FAM81B: variants seen among roughly 807,000 people sequenced by gnomAD.
FAM81B encodes protein FAM81B.
A neutral mutation model predicts 58.7 loss-of-function variants in FAM81B; 60 were observed. The ratio of observed to expected loss-of-function variants is 1.02; its 90% CI spans 0.83 to 1.27. FAM81B has a LOEUF of 1.27. Ranked by LOEUF, FAM81B falls within the 50% of genes most tolerant of loss-of-function variation. The pLI is 0.00. For synonymous variants in FAM81B, 189 were observed against 179.6 expected (o/e 1.05, Z -0.42); for missense variants, 491 against 522.0 (o/e 0.94, Z 0.58).
chr5:95,448,693 A>ATTT lies in FAM81B; in HGVS notation c.1225+248_1225+250dup, dbSNP rs56864403. Reference sequence around the variant, plus strand: ...TGTCACAGGCCTGCCATTGGTGTGAATTTTTTTTTTTTTTTTTTTTTACTA... The same window carrying ATTT: ...TGTCACAGGCCTGCCATTGGTGTGAATTTTTTTTTTTTTTTTTTTTTTTTACTA... On this transcript the variant is annotated intron_variant, in intron 9 of 9. Coordinates refer to ENST00000283357, the MANE Select transcript of FAM81B (RefSeq NM_152548.3). The ATTT allele has an allele frequency of 8.7e-4, 340 of 391,532 alleles. 1 individual carries two copies. The highest frequency in any genetic ancestry group is 1.4e-3 in the South Asian group (63 of 45,254). The allele number at this position is 391,532 out of a possible 1,614,324, so 24.3% of individuals were successfully genotyped here.
chr5:95,398,146 C>T (rs1471316206), intron 3 of FAM81B, among the ~76,000 whole-genome samples: 2 of 152,184 alleles, frequency 1.3e-5, no homozygotes, highest in Non-Finnish European at 2.9e-5. Context: ...TGGCCAGGCA[C>T]AGTGGCTCAC....
chr5:95,443,638 GA>G (rs10716713), intron 7 of FAM81B, among the ~76,000 whole-genome samples: 19,561 of 152,026 alleles, frequency 0.13, 1,879 homozygotes, highest in East Asian at 0.34. Context: ...CTTATGCAAA[GA>G]AAAAGAGTTA....
At chr5:95,399,583 G>A (rs1353548153) in intron 3 of FAM81B, among the ~76,000 whole-genome samples, 1 of 152,100 alleles carries the variant, frequency 6.6e-6, no homozygotes, top group Non-Finnish European at 1.5e-5. Flanking sequence ...AAGGGAAGGG[G>A]CTGCCCAAAT....
At chr5:95,430,680 C>A (rs1438106374) in intron 6 of FAM81B, among the ~76,000 whole-genome samples, 1 of 151,950 alleles carries the variant, frequency 6.6e-6, no homozygotes, top group East Asian at 1.9e-4. Flanking sequence ...AATAAATATC[C>A]AGAAGTGGGA....
chr5:95,435,649 A>G (rs1745070092), intron 6 of FAM81B, among the ~76,000 whole-genome samples: 2 of 152,156 alleles, frequency 1.3e-5, no homozygotes, highest in Admixed American at 1.3e-4. Flanking sequence ...TTTTTTGCTC[A>G]ATATATAAAT....
chr5:95,406,822 C>T (rs545040794), intron 3 of FAM81B, among the ~76,000 whole-genome samples: 11 of 152,072 alleles, frequency 7.2e-5, no homozygotes, highest in Non-Finnish European at 1.2e-4. Context: ...TTTTTTTAAC[C>T]TCTGAATAAC....
At chr5:95,396,327 A>T (rs574057162) in intron 3 of FAM81B, 152 bp downstream of exon 3, 2 of 587,866 alleles carry the variant, frequency 3.4e-6, no homozygotes, top group Admixed American at 7.0e-5. Context: ...TTCAGAAGAG[A>T]TTAAATCATG....
intron 6 of FAM81B, 127 bp downstream of exon 6, chr5:95,428,859 C>A: frequency 7.9e-7 from 1 of 1,268,794 alleles, no homozygotes; most frequent in East Asian, 2.4e-5. Context: ...GGGTGTAATT[C>A]TGACAGCTCA....
At chr5:95,428,137 A>C (rs966960310) in intron 5 of FAM81B, among the ~76,000 whole-genome samples, 2 of 152,192 alleles carry the variant, frequency 1.3e-5, no homozygotes, top group Non-Finnish European at 2.9e-5. Context: ...TTGCTGGGAC[A>C]CCTTTTCTTG....
chr5:95,444,690 A>C (rs115273319), intron 7 of FAM81B, among the ~76,000 whole-genome samples: 1 of 152,222 alleles, frequency 6.6e-6, no homozygotes, highest in Non-Finnish European at 1.5e-5. Flanking sequence ...CCTCATATCT[A>C]TGTGAAAAAT....
chr5:95,418,960 C>A (rs1762608857), intron 4 of FAM81B, among the ~76,000 whole-genome samples: 2 of 152,010 alleles, frequency 1.3e-5, no homozygotes, highest in African/African-American at 4.8e-5. Context: ...AGAGTATATT[C>A]CTTTCCTACA....
rs748448503 is a variant in FAM81B, at chr5:95,396,141, A to G, written c.259A>G (p.Lys87Glu). ...ATTATCTCCAGCCAAAATGTCAACC[A>G]AGAATTCTACAGATCTAGTTGAATA... is the stretch of plus-strand genomic sequence containing the variant. ...VRLSPAKMST[K>E]NSTDLVEYVD... Residue 87 changes from lysine to glutamate, a missense_variant, in exon 3 of 10, where the codon AAG becomes GAG. Lys to Glu is a moderately conservative substitution (Grantham distance 56). Coordinates refer to ENST00000283357, the MANE Select transcript of FAM81B (RefSeq NM_152548.3). The G allele has an allele frequency of 4.4e-6, 7 of 1,608,778 alleles. No homozygotes were observed. The highest frequency in any genetic ancestry group is 5.9e-6 in the Non-Finnish European group (7 of 1,178,278).
In FAM81B at chr5:95,420,377, G is replaced by A. The variant is rs751194190; in HGVS notation, c.631G>A (p.Gly211Arg). ...EINIKHLQGV[G>R]DLRGRVARCD... ...AAACATCAAACACCTACAAGGAGTT[G>A]GAGATCTTCGAGGAAGAGTAGCCAG... The change falls in exon 5 of 10, where the codon GGA becomes AGA. Residue 211 changes from glycine to arginine, a missense_variant. By Grantham distance (125) the Gly-to-Arg change is moderately radical. Coordinates refer to ENST00000283357, the MANE Select transcript of FAM81B (RefSeq NM_152548.3). The A allele has an allele frequency of 3.1e-6, 5 of 1,613,642 alleles. No homozygotes were observed. The African/African-American group carries it at 5.3e-5, about 17-fold the overall frequency.
chr5:95,413,584 T>G (rs2546098), intron 3 of FAM81B, among the ~76,000 whole-genome samples: 28,518 of 152,154 alleles, frequency 0.19, 3,276 homozygotes, highest in Admixed American at 0.24. Context: ...CTTGGAAAAC[T>G]CTCTAACACA....
At chr5:95,412,816 C>A (rs1177685699) in intron 3 of FAM81B, among the ~76,000 whole-genome samples, 1 of 152,146 alleles carries the variant, frequency 6.6e-6, no homozygotes, top group Non-Finnish European at 1.5e-5. Context: ...CCAACTGGGG[C>A]ATGATGGCAT....
intron 3 of FAM81B, among the ~76,000 whole-genome samples, chr5:95,402,058 T>G (rs1384396594): frequency 1.3e-5 from 2 of 152,252 alleles, no homozygotes; most frequent in African/African-American, 4.8e-5. Flanking sequence ...CCTTTCATAG[T>G]TAAATTTAGA....
intron 4 of FAM81B, among the ~76,000 whole-genome samples, chr5:95,417,944 TA>T: frequency 2.0e-5 from 3 of 152,362 alleles, no homozygotes; most frequent in Middle Eastern, 6.8e-3. Context: ...CAAAGGTAAA[TA>T]TTCAAGTATT....
chr5:95,448,888 C>A (rs1367299204), intron 9 of FAM81B: 4 of 341,062 alleles, frequency 1.2e-5, no homozygotes, highest in Non-Finnish European at 2.3e-5. Flanking sequence ...GAGACCTGAC[C>A]TTTAGAAGTG....
At chr5:95,435,419 A>T (rs929350528) in intron 6 of FAM81B, among the ~76,000 whole-genome samples, 3 of 152,130 alleles carry the variant, frequency 2.0e-5, no homozygotes, top group East Asian at 1.9e-4. Flanking sequence ...TTAATGTTGC[A>T]TATGTGCTTG....
Sources: allele counts gnomAD v4.1 joint callset (sites outside exome capture counted in the v4.1 genomes callset), GRCh38; gene constraint gnomAD v4.1.1; transcripts MANE v1.5; gene names NCBI Gene and HGNC (gene_info 2026-07-23, HGNC 2026-07-21).